Variants in AMTN observed in about 807,000 individuals in gnomAD.
AMTN encodes amelotin.
AMTN carries 29 observed loss-of-function variants against 27.4 expected under a neutral mutation model. The observed-to-expected ratio is 1.06, with a 90% CI of 0.79 to 1.44. The LOEUF is 1.44. AMTN is among the 40% of genes most tolerant of loss of function. The probability of loss-of-function intolerance (pLI) is 0.00; values close to 1 mark genes in which losing one functional copy is unlikely to be tolerated. For missense variants in AMTN, 247 were observed against 248.8 expected (o/e 0.99, Z 0.05); for synonymous variants, 86 against 95.7 (o/e 0.90, Z 0.59).
chr4:70,520,126 A>C (rs1048042556), intron 2 of AMTN, among the ~76,000 whole-genome samples: 1 of 152,254 alleles, frequency 6.6e-6, no homozygotes, highest in East Asian at 1.9e-4. Flanking sequence ...AACTCAAAAC[A>C]AGCAAAACTT....
At chr4:70,527,107 G>C (rs1483755847) in intron 5 of AMTN, among the ~76,000 whole-genome samples, 2 of 152,114 alleles carry the variant, frequency 1.3e-5, no homozygotes, top group African/African-American at 4.8e-5. Context: ...ACCACTCTGT[G>C]GCTCATTTTG....
chr4:70,529,981 G>A (rs573627784), intron 7 of AMTN, among the ~76,000 whole-genome samples: 1 of 145,800 alleles, frequency 6.9e-6, no homozygotes, highest in African/African-American at 2.6e-5. Flanking sequence ...CAGCACTTTA[G>A]CAGATCCTTT....
intron 4 of AMTN, among the ~76,000 whole-genome samples, chr4:70,524,220 T>C (rs17149007): frequency 0.91 from 138,701 of 152,152 alleles, 63,371 homozygotes; most frequent in African/African-American, 0.96. Flanking sequence ...CCATACCTTC[T>C]TTAATGCCCC....
chr4:70,530,495 G>T (rs1019597319), intron 7 of AMTN, among the ~76,000 whole-genome samples: 3 of 152,146 alleles, frequency 2.0e-5, no homozygotes, highest in Non-Finnish European at 4.4e-5. Flanking sequence ...AATCAGGATG[G>T]CATCAAAAGC....
chr4:70,529,899 G>A (rs895569121), intron 7 of AMTN, among the ~76,000 whole-genome samples: 1 of 152,140 alleles, frequency 6.6e-6, no homozygotes, highest in East Asian at 1.9e-4. Context: ...CAAGGAATGG[G>A]GCTAGTGTCT....
chr4:70,524,851 G>T (rs751433220), intron 4 of AMTN, 21 bp from the exon 5 acceptor site: 1 of 1,608,616 alleles, frequency 6.2e-7, no homozygotes, highest in Non-Finnish European at 8.5e-7. Context: ...TACAATGAAA[G>T]TCTTCTTCCT....
In AMTN at chr4:70,518,572, GA is replaced by G; in HGVS notation, c.-96del. 1 of 541,924 alleles carries G rather than the reference GA, an allele frequency of 1.8e-6. No homozygotes were observed. Among genetic ancestry groups the G allele is most frequent in the Middle Eastern group, 5.0e-4 (1 of 1,990 alleles). 33.6% of individuals were successfully genotyped at this position (541,924 alleles called of 1,614,324 possible). A position where few individuals can be genotyped will look rare whatever the true frequency, so the allele number is the denominator to read the frequency against. On this transcript the variant is annotated 5_prime_UTR_variant, in exon 1 of 9. Transcript: ENST00000339336. ...TTCTTCTACAAACACATACATCATT[GA>G]AGGGTAAAATTTTTCACCAGAGTAA...
At chr4:70,525,761 G>A (rs1046228361) in intron 5 of AMTN, among the ~76,000 whole-genome samples, 2 of 152,176 alleles carry the variant, frequency 1.3e-5, no homozygotes, top group South Asian at 2.1e-4. Flanking sequence ...ATAGCCAGGC[G>A]TGGTGGGGCT....
intron 5 of AMTN, among the ~76,000 whole-genome samples, chr4:70,525,249 G>A (rs561754581): frequency 2.0e-5 from 3 of 152,258 alleles, no homozygotes; most frequent in South Asian, 2.1e-4. Flanking sequence ...AATACATGGG[G>A]GGAAGTTGAG....
intron 2 of AMTN, among the ~76,000 whole-genome samples, 183 bp downstream of exon 2, chr4:70,519,014 A>G (rs79666835): frequency 1.3e-5 from 2 of 152,314 alleles, no homozygotes; most frequent in East Asian, 1.9e-4. Flanking sequence ...ACATATTTCA[A>G]TGTACTTGCA....
intron 2 of AMTN, among the ~76,000 whole-genome samples, chr4:70,521,794 AT>A (rs1735975974): frequency 6.6e-6 from 1 of 151,026 alleles, no homozygotes; most frequent in Non-Finnish European, 1.5e-5. Context: ...TAATTTTTAT[AT>A]TTTTAGTAAA....
intron 2 of AMTN, among the ~76,000 whole-genome samples, chr4:70,520,088 A>G (rs897084477): frequency 2.0e-5 from 3 of 152,204 alleles, no homozygotes; most frequent in African/African-American, 7.2e-5. Flanking sequence ...TTTCTCTAGT[A>G]TATTTAAATT....
At chr4:70,530,327 C>T (rs185543557) in intron 7 of AMTN, among the ~76,000 whole-genome samples, 1 of 152,256 alleles carries the variant, frequency 6.6e-6, no homozygotes, top group East Asian at 1.9e-4. Context: ...TGATGACTGA[C>T]ACTCACCTTT....
Position 70,518,756 on chromosome 4 carries a change from G to A in AMTN, c.-15-7G>A, listed in dbSNP as rs775189987. On this transcript the variant is annotated splice_region_variant and splice_polypyrimidine_tract_variant and intron_variant, in intron 1 of 8. Coordinates refer to ENST00000339336, the MANE Select transcript of AMTN (RefSeq NM_212557.4). ...CATGGAAGAGTAACACTTTTTTGTT[G>A]TTGTAGGTAGCAATCTGAAACATGA... 1 of 1,564,684 alleles carries A rather than the reference G, an allele frequency of 6.4e-7. No homozygotes were observed. The highest frequency in any genetic ancestry group is 8.8e-7 in the Non-Finnish European group (1 of 1,140,784).
Position 70,532,677 on chromosome 4 carries a change from CTG to C in AMTN, c.*214_*215del. The C allele has an allele frequency of 4.0e-6, 2 of 497,800 alleles. No individual in the cohort carries two copies. The highest frequency in any genetic ancestry group is 6.7e-5 in the East Asian group (2 of 29,868). 30.8% of individuals were successfully genotyped at this position (497,800 alleles called of 1,614,324 possible). ...AAAAACAATAATTCAATGGATAAAT[CTG>C]TCTTTGAAATATAACATTATGCTGC... On this transcript the variant is annotated 3_prime_UTR_variant, in exon 9 of 9. Coordinates refer to ENST00000339336, the MANE Select transcript of AMTN (RefSeq NM_212557.4).
At chr4:70,528,784 T>C in intron 6 of AMTN, 26 bp downstream of exon 6, 1 of 1,561,726 alleles carries the variant, frequency 6.4e-7, no homozygotes, top group Non-Finnish European at 8.6e-7. Flanking sequence ...AATATTGTCT[T>C]GATTTTAAAT....
Position 70,524,957 on chromosome 4 carries a change from CACATGTAAGTTGA to C in AMTN, c.294_294+12del. The C allele has an allele frequency of 6.2e-7, 1 of 1,613,736 alleles. No individual in the cohort carries two copies. On this transcript the variant is annotated splice_donor_variant and splice_donor_5th_base_variant and coding_sequence_variant and intron_variant, in exon 5 of 9. Coordinates refer to ENST00000339336, the MANE Select transcript of AMTN (RefSeq NM_212557.4). LOFTEE classifies it high-confidence loss of function. ...TTGAATGTACAACAGCAACTGCACC[CACATGTAAGTTGA>C]ACAGCTGGACCTTAGTTTTAACATT...
chr4:70,525,637 T>C (rs913444831), intron 5 of AMTN, among the ~76,000 whole-genome samples: 4 of 152,242 alleles, frequency 2.6e-5, no homozygotes, highest in African/African-American at 9.6e-5. Flanking sequence ...TGGCCCACGC[T>C]GTAATCCCAG....
intron 7 of AMTN, among the ~76,000 whole-genome samples, chr4:70,529,466 GGCAGT>G (rs1292581168): frequency 6.6e-6 from 1 of 152,108 alleles, no homozygotes; most frequent in African/African-American, 2.4e-5. Flanking sequence ...TATCCAGAAA[GGCAGT>G]GCACATTTTT....
Sources: gnomAD v4.1 joint callset for allele counts (sites outside exome capture counted in the v4.1 genomes callset) on GRCh38, gnomAD v4.1.1 for gene constraint, MANE v1.5 for transcripts, NCBI Gene and HGNC (gene_info 2026-07-23, HGNC 2026-07-21) for gene names.